SPIDR: variants seen among roughly 807,000 people sequenced by gnomAD.
SPIDR encodes the protein DNA repair-scaffolding protein.
In SPIDR, 93 loss-of-function variants were observed where a neutral mutation model predicts 104.6. The ratio of observed to expected loss-of-function variants is 0.89; its 90% CI spans 0.75 to 1.06. The LOEUF (loss-of-function observed/expected upper bound fraction) is 1.06, where lower values mean the gene tolerates loss of function less well. Among genes scored for constraint, SPIDR ranks in the 50% least tolerant of loss-of-function variants. SPIDR has a pLI of 0.00. For missense variants in SPIDR, 1,154 were observed against 1,111.2 expected, an observed-to-expected ratio of 1.04 and a Z score of -0.55; for synonymous variants, 431 against 416.9, an observed-to-expected ratio of 1.03 and a Z score of -0.41.
At chr8:47,348,194 C>G (rs138760802) in intron 5 of SPIDR, among the ~76,000 whole-genome samples, 4 of 152,214 alleles carry the variant, frequency 2.6e-5, no homozygotes, top group African/African-American at 9.6e-5. Flanking sequence ...TTTTATTTCT[C>G]CTTCACTTTT....
chr8:47,674,996 G>T lies in SPIDR; in HGVS notation c.1685+1055G>T, dbSNP rs2076238006. Among the ~76,000 whole-genome samples, 4 of 151,998 alleles carry T rather than the reference G, an allele frequency of 2.6e-5. No individual in the cohort carries two copies. The South Asian group carries it at 6.2e-4, about 24-fold the overall frequency. ...ATCTGTATAGCTGTGTTTTGTTTTG[G>T]TTTGGTTTGGTTTTTGGTTTTTTTG... On this transcript the variant is annotated intron_variant, in intron 11 of 19. Coordinates refer to ENST00000297423, the MANE Select transcript of SPIDR (RefSeq NM_001080394.4).
At chr8:47,283,652 G>T (rs2038251916) in intron 2 of SPIDR, among the ~76,000 whole-genome samples, 2 of 152,120 alleles carry the variant, frequency 1.3e-5, no homozygotes, top group African/African-American at 2.4e-5. Context: ...GAATCTTTTG[G>T]CAATGAGATA....
chr8:47,404,442 G>A (rs952074392), intron 6 of SPIDR, among the ~76,000 whole-genome samples: 8 of 152,168 alleles, frequency 5.3e-5, no homozygotes, highest in Admixed American at 5.2e-4. Flanking sequence ...AATTTTTGCA[G>A]TCTACCCATC....
chr8:47,389,630 A>G (rs1329181787), intron 5 of SPIDR, among the ~76,000 whole-genome samples: 1 of 141,200 alleles, frequency 7.1e-6, no homozygotes, highest in Non-Finnish European at 1.5e-5. Context: ...CAGAGCTTGC[A>G]GTGAGCTGAG....
At chr8:47,412,550 C>G (rs1554672557) in intron 7 of SPIDR, among the ~76,000 whole-genome samples, 1 of 152,180 alleles carries the variant, frequency 6.6e-6, no homozygotes, top group African/African-American at 2.4e-5. Flanking sequence ...ACAGGAATCC[C>G]TGCTTGAAAT....
Position 47,461,112 on chromosome 8 carries a change from A to T in SPIDR, c.1097+20570A>T, listed in dbSNP as rs147219299. On this transcript the variant is annotated intron_variant, in intron 8 of 19. Transcript: ENST00000297423. The stretch of plus-strand genomic sequence containing the variant: ...AAGATTCTTCATTTTGACTTAGATA[A>T]CCTGATGACAGTATGCCTAGGCAAT... Among the ~76,000 whole-genome samples the T allele has an allele frequency of 3.5e-3, 540 of 152,284 alleles. 4 individuals are homozygous for T. Among genetic ancestry groups the T allele is most frequent in the African/African-American group, 0.012 (498 of 41,562 alleles).
intron 8 of SPIDR, among the ~76,000 whole-genome samples, chr8:47,585,507 T>C (rs1271887522): frequency 6.6e-6 from 1 of 152,176 alleles, no homozygotes; most frequent in Non-Finnish European, 1.5e-5. Flanking sequence ...TCCTTCTTTC[T>C]CCTTTCCCTA....
At chr8:47,467,631 T>C (rs1484114715) in intron 8 of SPIDR, among the ~76,000 whole-genome samples, 1 of 152,150 alleles carries the variant, frequency 6.6e-6, no homozygotes, top group Non-Finnish European at 1.5e-5. Context: ...TCTCAATAGA[T>C]GCAGAAAACG....
At chr8:47,450,186 T>A (rs1332832246) in intron 8 of SPIDR, among the ~76,000 whole-genome samples, 1 of 152,024 alleles carries the variant, frequency 6.6e-6, no homozygotes, top group East Asian at 1.9e-4. Context: ...AAAATTCATT[T>A]GTCTTATGGT....
chr8:47,438,427 T>A (rs958037956), intron 7 of SPIDR, among the ~76,000 whole-genome samples: 1 of 152,230 alleles, frequency 6.6e-6, no homozygotes, highest in African/African-American at 2.4e-5. Flanking sequence ...TACACACTGC[T>A]CTGGCTGCCC....
rs1309339100 is a variant in SPIDR, at chr8:47,428,535, C to G, written c.878-11788C>G. Among the ~76,000 whole-genome samples the G allele has an allele frequency of 2.0e-5, 3 of 152,224 alleles. No homozygotes were observed. The East Asian group carries it at 5.8e-4, about 29-fold the overall frequency. ...GTGTATGGTGAGCTGCTTATTTAGC[C>G]AATTCTTGGCAATATTTTTTGCCTT... is the stretch of plus-strand genomic sequence containing the variant. On this transcript the variant is annotated intron_variant, in intron 7 of 19. Transcript: ENST00000297423.
intron 17 of SPIDR, among the ~76,000 whole-genome samples, chr8:47,728,386 G>A (rs781701384): frequency 6.4e-4 from 98 of 152,074 alleles, no homozygotes; most frequent in African/African-American, 1.4e-3. Context: ...GCAGTGAGCC[G>A]AAATCGCACC....
intron 17 of SPIDR, 41 bp downstream of exon 17, chr8:47,727,334 AG>A: frequency 6.3e-7 from 1 of 1,589,248 alleles, no homozygotes; most frequent in South Asian, 1.1e-5. Context: ...TAGAACTGAA[AG>A]GGCACAGAAG....
At position 47,701,820 on chromosome 8, in the gene SPIDR, C is replaced by T. The variant is rs189886735; in HGVS notation, c.1873C>T (p.Leu625Phe). The T allele has an allele frequency of 5.1e-5, 83 of 1,614,134 alleles. 1 individual carries two copies. The East Asian group carries it at 1.6e-3, about 31-fold the overall frequency. The change falls in exon 13 of 20, where the codon CTT (leucine) becomes TTT (phenylalanine). Residue 625 changes from leucine to phenylalanine, a missense_variant. Transcript: ENST00000297423. ...DIIDEDPIYK[L>F]YQPPVTRCLR... ...AATTGACGAAGACCCCATTTATAAG[C>T]TTTACCAGCCTCCAGTTACCCGCTG...
At chr8:47,380,454 C>A (rs1554644791) in intron 5 of SPIDR, among the ~76,000 whole-genome samples, 1 of 152,058 alleles carries the variant, frequency 6.6e-6, no homozygotes, top group Non-Finnish European at 1.5e-5. Flanking sequence ...TGCTGTGGAG[C>A]CCCCTGGCCC....
intron 8 of SPIDR, among the ~76,000 whole-genome samples, chr8:47,491,645 G>A (rs2078732405): frequency 6.6e-6 from 1 of 152,116 alleles, no homozygotes; most frequent in Admixed American, 6.6e-5. Context: ...CAGCTGTTCA[G>A]AGTTGCTGTT....
chr8:47,517,863 C>T (rs2154379082), intron 8 of SPIDR, among the ~76,000 whole-genome samples: 1 of 152,260 alleles, frequency 6.6e-6, no homozygotes, highest in East Asian at 1.9e-4. Context: ...ACAATTTTAT[C>T]AGCACTACTT....
At chr8:47,701,613 C>A in intron 12 of SPIDR, 108 bp from the exon 13 acceptor site, 1 of 1,070,594 alleles carries the variant, frequency 9.3e-7, no homozygotes, top group Non-Finnish European at 1.4e-6. Flanking sequence ...AGAGAGGATG[C>A]ACCTGTAAGC....
intron 8 of SPIDR, among the ~76,000 whole-genome samples, chr8:47,482,933 ACTC>A (rs1462203659): frequency 6.6e-6 from 1 of 151,048 alleles, no homozygotes; most frequent in African/African-American, 2.4e-5. Context: ...AAGTGTTTCT[ACTC>A]CTTTCCTTAC....
Sources: gnomAD v4.1 joint callset for allele counts (sites outside exome capture counted in the v4.1 genomes callset) on GRCh38, gnomAD v4.1.1 for gene constraint, MANE v1.5 for transcripts, NCBI Gene and HGNC (gene_info 2026-07-23, HGNC 2026-07-21) for gene names.